Variants in RGSL1 observed in about 807,000 individuals in gnomAD.
RGSL1 encodes the protein regulator of G protein signaling protein-like.
Under a neutral mutation model 124.7 loss-of-function variants are expected in RGSL1, and 97 were observed. The ratio of observed to expected loss-of-function variants is 0.78; its 90% CI spans 0.66 to 0.92. RGSL1 has a LOEUF of 0.92. RGSL1 is among the 40% of genes least tolerant of loss of function. The pLI is 0.00. For synonymous variants in RGSL1, 424 were observed against 438.1 expected (o/e 0.97, Z 0.40); for missense variants, 1,233 against 1,288.4 (o/e 0.96, Z 0.66).
At position 182,554,686 on chromosome 1, in the gene RGSL1, G is replaced by A. The variant is rs557155006; in HGVS notation, c.3190G>A (p.Val1064Ile). 9.1e-5 allele frequency: 141 copies of A among 1,551,620 alleles called. No homozygotes were observed. The highest frequency in any genetic ancestry group is 1.9e-4 in the African/African-American group (14 of 73,156). ...LVVSAMQLHPVQGQKLSYIKK... is the reference protein window; with the variant it reads ...LVVSAMQLHPIQGQKLSYIKK... ...GGTATCTGCCATGCAGCTGCATCCC[G>A]TCCAGGGGTAGGCATGAGCTGGAAA... Residue 1064 changes from valine (V) to isoleucine (I), a missense_variant, in exon 20 of 22, where the codon GTC becomes ATC. Transcript: ENST00000294854.
At chr1:182,521,738 G>A (rs193109559) in intron 9 of RGSL1, among the ~76,000 whole-genome samples, 3 of 152,306 alleles carry the variant, frequency 2.0e-5, no homozygotes, top group Admixed American at 6.5e-5. Flanking sequence ...GTAACGAGGA[G>A]AGAGGCAATC....
intron 9 of RGSL1, among the ~76,000 whole-genome samples, chr1:182,493,563 G>C (rs1655690171): frequency 6.6e-6 from 1 of 152,206 alleles, no homozygotes; most frequent in Non-Finnish European, 1.5e-5. Flanking sequence ...ATCACAACAG[G>C]CCTCAGCAGA....
chr1:182,513,077 A>G (rs577619), intron 9 of RGSL1, among the ~76,000 whole-genome samples: 131,339 of 152,276 alleles, frequency 0.86, 56,961 homozygotes, highest in African/African-American at 0.9. Flanking sequence ...TTAGGGTTGT[A>G]GGTTTCCAGG....
At chr1:182,516,835 G>A (rs1171487741) in intron 9 of RGSL1, among the ~76,000 whole-genome samples, 1 of 152,070 alleles carries the variant, frequency 6.6e-6, no homozygotes, top group East Asian at 1.9e-4. Context: ...ATTTTTGATA[G>A]CTTTGTCTTT....
chr1:182,455,432 A>G (rs1232407836), intron 2 of RGSL1, among the ~76,000 whole-genome samples: 1 of 152,112 alleles, frequency 6.6e-6, no homozygotes, highest in Non-Finnish European at 1.5e-5. Flanking sequence ...AAATACAAAA[A>G]TTAGCCGGGC....
At position 182,474,290 on chromosome 1, in the gene RGSL1, G is replaced by C; in HGVS notation, c.1179G>C (p.Leu393Phe). Residue 393 changes from leucine (L) to phenylalanine (F), a missense_variant, in exon 6 of 22, where the codon TTG becomes TTC. Leu to Phe is a conservative substitution (Grantham distance 22, BLOSUM62 0). Transcript: ENST00000294854. The stretch of plus-strand genomic sequence containing the variant: ...GGGACCACCTGAAGAAGCTGAATTT[G>C]AAAGTGGAGATCCAACTTCTTGACC... Reference protein sequence around the residue: ...PFRDHLKKLNLKVEIQLLDLW... With the variant: ...PFRDHLKKLNFKVEIQLLDLW... 1 of 1,551,790 alleles carries C rather than the reference G, an allele frequency of 6.4e-7. No individual in the cohort carries two copies. The highest frequency in any genetic ancestry group is 1.2e-5 in the South Asian group (1 of 84,068).
At chr1:182,517,069 C>A (rs551259299) in intron 9 of RGSL1, among the ~76,000 whole-genome samples, 3 of 152,068 alleles carry the variant, frequency 2.0e-5, no homozygotes, top group African/African-American at 7.2e-5. Context: ...GGTGAATTCT[C>A]TCAGCTTTTG....
At chr1:182,461,691 G>A (rs1652850831) in intron 4 of RGSL1, among the ~76,000 whole-genome samples, 1 of 152,086 alleles carries the variant, frequency 6.6e-6, no homozygotes, top group Non-Finnish European at 1.5e-5. Context: ...TAATTCTGTA[G>A]CTGAAAAGCA....
In RGSL1 at chr1:182,474,240, G is replaced by A. The variant is rs760689280; in HGVS notation, c.1129G>A (p.Asp377Asn). Residue 377 changes from aspartate (D) to asparagine (N), a missense_variant, in exon 6 of 22, where the codon GAT becomes AAT. Asp to Asn is a conservative substitution (Grantham distance 23, BLOSUM62 1). Coordinates refer to ENST00000294854, the MANE Select transcript of RGSL1 (RefSeq NM_001137669.2). ...ATACATCCACTTGGCCTTGTGTGCT[G>A]ATGCCTGTGCAGGGAACCCTTTCCG... ...LGYIHLALCA[D>N]ACAGNPFRDH... is the part of the protein sequence containing the mutation. The A allele has an allele frequency of 5.2e-6, 8 of 1,551,798 alleles. No homozygotes were observed. In the East Asian group the frequency reaches 1.7e-4, roughly 33 times the overall value.
intron 16 of RGSL1, 87 bp from the exon 17 acceptor site, chr1:182,548,613 G>T: frequency 6.6e-7 from 1 of 1,525,062 alleles, no homozygotes; most frequent in East Asian, 2.5e-5. Flanking sequence ...TTGGAGAGGG[G>T]GTGGTCATGG....
At chr1:182,480,086 C>T (rs184533328) in intron 6 of RGSL1, among the ~76,000 whole-genome samples, 164 of 152,150 alleles carry the variant, frequency 1.1e-3, no homozygotes, top group Non-Finnish European at 4.7e-4. Context: ...ATACATCATA[C>T]GGACAGAAAA....
rs115536752 is a variant in RGSL1, at chr1:182,534,163, A to G, written c.2494+1372A>G. ...GTTTCTATGAAACAAGTTCCTTAAA[A>G]TGGGAATGATGGGTAAATGGTTAAA... On this transcript the variant is annotated intron_variant, in intron 14 of 21. Coordinates refer to ENST00000294854, the MANE Select transcript of RGSL1 (RefSeq NM_001137669.2). Among the ~76,000 whole-genome samples, 406 of 152,338 alleles carry G rather than the reference A, an allele frequency of 2.7e-3. 6 individuals carry two copies. Among genetic ancestry groups the G allele is most frequent in the African/African-American group, 9.4e-3 (391 of 41,580 alleles).
At chr1:182,453,711 C>A (rs1162125429) in intron 1 of RGSL1, among the ~76,000 whole-genome samples, 1 of 152,190 alleles carries the variant, frequency 6.6e-6, no homozygotes, top group African/African-American at 2.4e-5. Flanking sequence ...TACCACTTCG[C>A]CTTCTTCATA....
chr1:182,528,024 A>G (rs2102259676), intron 11 of RGSL1, among the ~76,000 whole-genome samples: 1 of 152,346 alleles, frequency 6.6e-6, no homozygotes, highest in East Asian at 1.9e-4. Context: ...TGGGTAATTT[A>G]TAAAGAAAAG....
In RGSL1 at chr1:182,493,014, C is replaced by G. The variant is rs371380612; in HGVS notation, c.1718-8C>G. 33 of 1,528,050 alleles carry G rather than the reference C, an allele frequency of 2.2e-5. No individual in the cohort carries two copies. In the East Asian group the frequency reaches 6.6e-4, roughly 31 times the overall value. 94.7% of individuals were successfully genotyped at this position (1,528,050 alleles called of 1,614,324 possible). A position where few individuals can be genotyped will look rare whatever the true frequency, so the allele number is the denominator to read the frequency against. On this transcript the variant is annotated splice_region_variant and splice_polypyrimidine_tract_variant and intron_variant, in intron 8 of 21. Coordinates refer to ENST00000294854, the MANE Select transcript of RGSL1 (RefSeq NM_001137669.2). ...TAAACTCTATCTCTGTTTTTCCTTA[C>G]TTCACAGACATAACTAAAATGTCCT... is the stretch of plus-strand genomic sequence containing the variant.
In RGSL1 at chr1:182,527,611, A is replaced by G; in HGVS notation, c.1964A>G (p.His655Arg). Reference protein sequence around the residue: ...NLTEVLLNTQHLEFFREFLKE... With the variant: ...NLTEVLLNTQRLEFFREFLKE... ...ACAGAAGTCCTCTTAAATACACAGC[A>G]CTTGGAGTTCTTCAGGGAGTTCCTC... Residue 655 changes from histidine to arginine, a missense_variant, in exon 11 of 22, where the codon CAC becomes CGC. Transcript: ENST00000294854. 1 of 1,551,560 alleles carries G rather than the reference A, an allele frequency of 6.4e-7. No homozygotes were observed. The highest frequency in any genetic ancestry group is 1.2e-5 in the South Asian group (1 of 83,998).
Position 182,469,519 on chromosome 1 carries a change from G to T in RGSL1, c.302-2877G>T, listed in dbSNP as rs184513218. ...AAAATAAGATAACAAGCGTTGGTGA[G>T]GATGTGGAGAAATTGGAACTCTTTT... On this transcript the variant is annotated intron_variant, in intron 4 of 21. Coordinates refer to ENST00000294854, the MANE Select transcript of RGSL1 (RefSeq NM_001137669.2). Among the ~76,000 whole-genome samples, 9 of 152,304 alleles carry T rather than the reference G, an allele frequency of 5.9e-5. No individual in the cohort carries two copies. In the East Asian group the frequency reaches 1.5e-3, roughly 26 times the overall value.
chr1:182,470,689 A>C (rs1653762202), intron 4 of RGSL1, among the ~76,000 whole-genome samples: 1 of 152,152 alleles, frequency 6.6e-6, no homozygotes, highest in Non-Finnish European at 1.5e-5. Flanking sequence ...AAGAATATAG[A>C]TTCCTTGGAG....
chr1:182,536,556 T>C (rs530624940), intron 14 of RGSL1, among the ~76,000 whole-genome samples: 2 of 152,358 alleles, frequency 1.3e-5, no homozygotes, highest in Non-Finnish European at 2.9e-5. Flanking sequence ...CTAATGATGT[T>C]GAGTATGTGT....
Sources: gnomAD v4.1 joint callset for allele counts (sites outside exome capture counted in the v4.1 genomes callset) on GRCh38, gnomAD v4.1.1 for gene constraint, MANE v1.5 for transcripts, NCBI Gene and HGNC (gene_info 2026-07-23, HGNC 2026-07-21) for gene names.